Variants in CACNA2D1 observed in about 807,000 individuals in gnomAD.
The protein encoded by CACNA2D1 is voltage-dependent calcium channel subunit alpha-2/delta-1.
In CACNA2D1, 53 loss-of-function variants were observed where a neutral mutation model predicts 171.5. That is an observed-to-expected ratio of 0.31 (90% CI 0.25 to 0.39). The LOEUF (loss-of-function observed/expected upper bound fraction) is 0.39, where lower values mean the gene tolerates loss of function less well. CACNA2D1 is among the 10% of genes least tolerant of loss of function. The pLI is 1.00. For missense variants in CACNA2D1, 903 were observed against 1,299.8 expected (o/e 0.69, Z 4.69); for synonymous variants, 442 against 443.1 (o/e 1.00, Z 0.03).
chr7:82,274,795 A>C (rs1363832151), intron 3 of CACNA2D1, among the ~76,000 whole-genome samples: 1 of 152,132 alleles, frequency 6.6e-6, no homozygotes, highest in Non-Finnish European at 1.5e-5. Flanking sequence ...CTAGCTCCTA[A>C]ATCAGTGCCT....
At chr7:82,021,667 T>C (rs1404781576) in intron 12 of CACNA2D1, among the ~76,000 whole-genome samples, 3 of 152,012 alleles carry the variant, frequency 2.0e-5, no homozygotes, top group African/African-American at 7.2e-5. Context: ...GTGGAGTTTA[T>C]ATTAGAGAGG....
At chr7:82,314,030 G>A (rs1050971490) in intron 3 of CACNA2D1, among the ~76,000 whole-genome samples, 6 of 152,006 alleles carry the variant, frequency 3.9e-5, no homozygotes, top group Non-Finnish European at 7.4e-5. Flanking sequence ...TATATCCAGT[G>A]CTTCTCTGGG....
chr7:82,058,166 A>T (rs1489410976), intron 10 of CACNA2D1, among the ~76,000 whole-genome samples: 2 of 152,168 alleles, frequency 1.3e-5, no homozygotes, highest in Non-Finnish European at 2.9e-5. Context: ...TCCTCAGAGA[A>T]TTAAGTTCCT....
At chr7:82,086,264 A>T in intron 6 of CACNA2D1, among the ~76,000 whole-genome samples, 1 of 152,328 alleles carries the variant, frequency 6.6e-6, no homozygotes, top group African/African-American at 2.4e-5. Flanking sequence ...ATGTGTTTAT[A>T]TTTTAAAGTT....
intron 3 of CACNA2D1, among the ~76,000 whole-genome samples, chr7:82,241,108 T>A (rs566360216): frequency 2.4e-3 from 369 of 152,330 alleles, no homozygotes; most frequent in Non-Finnish European, 4.3e-3. Flanking sequence ...TGAAGTGGCA[T>A]CGAATTCTCA....
At position 82,418,973 on chromosome 7, in the gene CACNA2D1, G is replaced by A. The variant is rs547158561; in HGVS notation, c.95+24392C>T. 3.9e-5 allele frequency among the ~76,000 whole-genome samples: 6 copies of A among 152,158 alleles called. No homozygotes were observed. In the South Asian group the frequency reaches 8.3e-4, roughly 21 times the overall value. ...TACAAAAAAAAAATTAGCTGGGCGC[G>A]GTGGCGGGCACCTGTAGTCCCAGCT... On this transcript the variant is annotated intron_variant, in intron 1 of 38. Coordinates refer to ENST00000356860, the MANE Select transcript of CACNA2D1 (RefSeq NM_000722.4).
chr7:82,090,174 C>T (rs893223259), intron 6 of CACNA2D1, among the ~76,000 whole-genome samples: 1 of 152,044 alleles, frequency 6.6e-6, no homozygotes, highest in South Asian at 2.1e-4. Context: ...AATTACAATA[C>T]AATATTGTTA....
intron 3 of CACNA2D1, among the ~76,000 whole-genome samples, chr7:82,229,270 T>C (rs1802660141): frequency 6.6e-6 from 1 of 152,126 alleles, no homozygotes; most frequent in South Asian, 2.1e-4. Context: ...GTATCCCAAA[T>C]GCACCAAACG....
intron 12 of CACNA2D1, chr7:82,028,927 T>C (rs1037141052): frequency 7.2e-5 from 11 of 151,884 alleles, no homozygotes; most frequent in African/African-American, 2.2e-4. Flanking sequence ...CCAAAGGATA[T>C]AGAATATTAG....
At chr7:82,038,271 A>G (rs758045239) in intron 10 of CACNA2D1, 36 bp from the exon 11 acceptor site, 74 of 1,551,530 alleles carry the variant, frequency 4.8e-5, no homozygotes, top group Non-Finnish European at 5.9e-5. Flanking sequence ...ATAAATGAAC[A>G]TTAAAATCAA....
intron 3 of CACNA2D1, among the ~76,000 whole-genome samples, chr7:82,212,447 T>G (rs989455094): frequency 5.3e-5 from 8 of 152,234 alleles, no homozygotes; most frequent in African/African-American, 1.7e-4. Flanking sequence ...AATCCAAGAC[T>G]TATACTCAAT....
chr7:81,960,460 C>T (rs904987800), intron 36 of CACNA2D1, among the ~76,000 whole-genome samples: 4 of 152,062 alleles, frequency 2.6e-5, no homozygotes, highest in African/African-American at 7.2e-5. Context: ...CTGGGCAACA[C>T]AGACATGGAC....
intron 6 of CACNA2D1, among the ~76,000 whole-genome samples, chr7:82,111,170 TTGA>T (rs535426456): frequency 9.7e-4 from 146 of 151,076 alleles, no homozygotes; most frequent in African/African-American, 3.4e-3. Context: ...AAAATTTCAC[TTGA>T]TGATTGACTG....
At chr7:81,960,055 A>C (rs535375354) in intron 36 of CACNA2D1, among the ~76,000 whole-genome samples, 2 of 152,206 alleles carry the variant, frequency 1.3e-5, no homozygotes, top group South Asian at 2.1e-4. Flanking sequence ...TATATGTTTT[A>C]TGTGTGACCA....
At chr7:82,086,607 A>G (rs1042438874) in intron 6 of CACNA2D1, among the ~76,000 whole-genome samples, 5 of 152,178 alleles carry the variant, frequency 3.3e-5, no homozygotes, top group African/African-American at 1.2e-4. Context: ...AATAGCATAG[A>G]AAGAGGAACA....
chr7:82,319,671 GTCAT>G (rs1260601398), intron 3 of CACNA2D1, among the ~76,000 whole-genome samples: 1 of 152,150 alleles, frequency 6.6e-6, no homozygotes, highest in African/African-American at 2.4e-5. Flanking sequence ...TAGAAAATGA[GTCAT>G]TATTATTTAT....
At chr7:82,208,894 C>T (rs76495988) in intron 3 of CACNA2D1, among the ~76,000 whole-genome samples, 4,972 of 152,120 alleles carry the variant, frequency 0.033, 254 homozygotes, top group African/African-American at 0.11. Flanking sequence ...CTTGATTTAG[C>T]CATTCTACAA....
rs553313965 is a variant in CACNA2D1, at chr7:82,216,590, A to G, written c.295-45981T>C. Among the ~76,000 whole-genome samples the G allele has an allele frequency of 1.9e-4, 29 of 152,258 alleles. No homozygotes were observed. In the South Asian group the frequency reaches 6.0e-3, roughly 32 times the overall value. ...CAAACTTTCCTTTTTTCAAAAATCA[A>G]ACTGCTGATTTATTCTTTTTTCTGA... On this transcript the variant is annotated intron_variant, in intron 3 of 38. Coordinates refer to ENST00000356860, the MANE Select transcript of CACNA2D1 (RefSeq NM_000722.4).
At chr7:82,149,593 A>C (rs1483473035) in intron 4 of CACNA2D1, among the ~76,000 whole-genome samples, 2 of 152,042 alleles carry the variant, frequency 1.3e-5, no homozygotes, top group Admixed American at 1.3e-4. Flanking sequence ...CCACCTGAGA[A>C]AGCCCTCAAG....
Sources: allele counts gnomAD v4.1 joint callset (sites outside exome capture counted in the v4.1 genomes callset), GRCh38; gene constraint gnomAD v4.1.1; transcripts MANE v1.5; gene names NCBI Gene and HGNC (gene_info 2026-07-23, HGNC 2026-07-21).